Variants in DNAJB1 observed in about 807,000 individuals in gnomAD.
The protein encoded by DNAJB1 is dnaJ homolog subfamily B member 1.
DNAJB1 carries 14 observed loss-of-function variants against 24.0 expected under a neutral mutation model. That is an observed-to-expected ratio of 0.58 (90% CI 0.39 to 0.91). The LOEUF (loss-of-function observed/expected upper bound fraction) is 0.91. Ranked by LOEUF, DNAJB1 falls within the 40% of genes least tolerant of loss-of-function variation. The probability of loss-of-function intolerance (pLI) is 0.00; values close to 1 mark genes in which losing one functional copy is unlikely to be tolerated. For missense variants in DNAJB1, 517 were observed against 458.1 expected, an observed-to-expected ratio of 1.13 and a Z score of -1.17; for synonymous variants, 262 against 174.4, an observed-to-expected ratio of 1.50 and a Z score of -3.96.
intron 1 of DNAJB1, among the ~76,000 whole-genome samples, chr19:14,535,166 A>C (rs1430099449): frequency 6.6e-6 from 1 of 151,668 alleles, no homozygotes; most frequent in Non-Finnish European, 1.5e-5. Flanking sequence ...TGAGGTCAGG[A>C]GTTCAAGACT....
At chr19:14,523,614 G>GTT (rs1260679879) in intron 2 of DNAJB1, among the ~76,000 whole-genome samples, 3 of 138,456 alleles carry the variant, frequency 2.2e-5, no homozygotes, top group African/African-American at 8.3e-5. Flanking sequence ...ACCCGGCCTT[G>GTT]TTTTTGTTTT....
chr19:14,526,188 C>A (rs563201370), intron 2 of DNAJB1, among the ~76,000 whole-genome samples: 129 of 152,318 alleles, frequency 8.5e-4, no homozygotes, highest in African/African-American at 2.9e-3. Context: ...CAGTTTCTCC[C>A]TTGGAAATTA....
intron 1 of DNAJB1, among the ~76,000 whole-genome samples, chr19:14,542,508 T>C (rs1307718697): frequency 7.9e-5 from 12 of 151,530 alleles, no homozygotes; most frequent in African/African-American, 2.9e-4. Flanking sequence ...ATTACAGGCA[T>C]CCACCACCAC....
chr19:14,554,468 C>T (rs1599473925), upstream of DNAJB1, among the ~76,000 whole-genome samples: 1 of 151,650 alleles, frequency 6.6e-6, no homozygotes, highest in Non-Finnish European at 1.5e-5. Context: ...TGGACTCTGC[C>T]GCCAGCAAGG....
chr19:14,540,311 A>G (rs981034054), intron 1 of DNAJB1, among the ~76,000 whole-genome samples: 1 of 150,402 alleles, frequency 6.6e-6, no homozygotes, highest in African/African-American at 2.5e-5. Context: ...CTCGTGATCC[A>G]CCCTCCTCAG....
chr19:14,538,498 AC>A (rs2072982701), intron 1 of DNAJB1, among the ~76,000 whole-genome samples: 1 of 150,844 alleles, frequency 6.6e-6, no homozygotes, highest in African/African-American at 2.4e-5. Context: ...TGCTTTTGGC[AC>A]CTGACCTCTT....
chr19:14,544,919 C>A (rs1196513284), intron 1 of DNAJB1, among the ~76,000 whole-genome samples: 1 of 152,122 alleles, frequency 6.6e-6, no homozygotes, highest in Non-Finnish European at 1.5e-5. Flanking sequence ...AGACAAGAGC[C>A]ACCATGCCCA....
At chr19:14,529,785 C>T (rs939915013), upstream of DNAJB1, 60 of 1,604,774 alleles carry the variant, frequency 3.7e-5, no homozygotes, top group Non-Finnish European at 4.6e-5. Context: ...GACCACGGGA[C>T]CCCACTTTCT....
chr19:14,518,714 T>A (rs2072325464), upstream of DNAJB1, among the ~76,000 whole-genome samples: 1 of 151,898 alleles, frequency 6.6e-6, no homozygotes, highest in Non-Finnish European at 1.5e-5. Context: ...CTACCCTGCG[T>A]CCCGCCCTCC....
At chr19:14,551,791 C>T (rs543668849), upstream of DNAJB1, among the ~76,000 whole-genome samples, 4 of 152,108 alleles carry the variant, frequency 2.6e-5, no homozygotes, top group South Asian at 2.1e-4. Context: ...GCTGGAGGAT[C>T]GCATCCAGGG....
intron 1 of DNAJB1, among the ~76,000 whole-genome samples, chr19:14,546,944 C>G (rs1329221140): frequency 6.6e-6 from 1 of 152,222 alleles, no homozygotes; most frequent in Admixed American, 6.5e-5. Context: ...ATCTGCCCGC[C>G]TTGGCCTCCC....
At chr19:14,517,104 T>C in intron 1 of DNAJB1, 58 bp from the exon 2 acceptor site, 4 of 1,531,266 alleles carry the variant, frequency 2.6e-6, no homozygotes, top group Non-Finnish European at 3.5e-6. Context: ...CTCTCGAGCT[T>C]CCCTTACAGG....
At chr19:14,551,977 C>T (rs1484606414), upstream of DNAJB1, among the ~76,000 whole-genome samples, 2 of 111,230 alleles carry the variant, frequency 1.8e-5, no homozygotes, top group South Asian at 3.8e-4. Flanking sequence ...CTCTCTTTCT[C>T]TCTTTTTTTT....
Position 14,515,096 on chromosome 19 carries a change from T to C in DNAJB1, c.*844A>G, listed in dbSNP as rs2072232897. 1 of 152,618 alleles carries C rather than the reference T, an allele frequency of 6.6e-6. No individual in the cohort carries two copies. Among genetic ancestry groups the C allele is most frequent in the Non-Finnish European group, 1.5e-5 (1 of 68,040 alleles). The allele number at this position is 152,618 out of a possible 1,614,324, so 9.5% of individuals were successfully genotyped here. A position where few individuals can be genotyped will look rare whatever the true frequency, so the allele number is the denominator to read the frequency against. ...CCCTTTTATCAAAAGGGATTGTATC[T>C]AGGGCTGTGCAAAATTCAAAAGGAT... On this transcript the variant is annotated 3_prime_UTR_variant, in exon 3 of 3. Transcript: ENST00000254322.
chr19:14,531,705 A>C (rs555805458), upstream of DNAJB1: 1 of 152,342 alleles, frequency 6.6e-6, no homozygotes, highest in African/African-American at 2.4e-5. Flanking sequence ...TACAGGCATG[A>C]GCCACGGTGC....
At chr19:14,518,527 AC>A (rs2146525308), upstream of DNAJB1, 1 of 437,252 alleles carries the variant, frequency 2.3e-6, no homozygotes, top group South Asian at 1.3e-4. Context: ...TTTCAGCGAC[AC>A]GCGACATCCG....
upstream of DNAJB1, chr19:14,530,801 T>C (rs896923391): frequency 6.6e-6 from 1 of 152,154 alleles, no homozygotes; most frequent in African/African-American, 2.4e-5. Flanking sequence ...AAATTTACCA[T>C]CTTGACTATT....
At chr19:14,527,073 C>T (rs1158536301) in intron 2 of DNAJB1, among the ~76,000 whole-genome samples, 1 of 150,200 alleles carries the variant, frequency 6.7e-6, no homozygotes, top group Admixed American at 6.6e-5. Context: ...GAAGCAAATA[C>T]TCTCCCCCAG....
rs2072233838 is a variant in DNAJB1, at chr19:14,515,144, T to TA, written c.*795dup. On this transcript the variant is annotated 3_prime_UTR_variant, in exon 3 of 3. Coordinates refer to ENST00000254322, the MANE Select transcript of DNAJB1 (RefSeq NM_006145.3). ...GATCAGATCCCTTTGAAAGAGTCCA[T>TA]AGTCCATGAAACAAAAAATTACCTG... The TA allele has an allele frequency of 6.6e-6, 1 of 152,638 alleles. No homozygotes were observed. Among genetic ancestry groups the TA allele is most frequent in the Non-Finnish European group, 1.5e-5 (1 of 68,058 alleles). 9.5% of individuals were successfully genotyped at this position (152,638 alleles called of 1,614,324 possible). A position where few individuals can be genotyped will look rare whatever the true frequency, so the allele number is the denominator to read the frequency against.
Sources: allele counts gnomAD v4.1 joint callset (sites outside exome capture counted in the v4.1 genomes callset), GRCh38; gene constraint gnomAD v4.1.1; transcripts MANE v1.5; gene names NCBI Gene and HGNC (gene_info 2026-07-23, HGNC 2026-07-21).